The following MCC variants were observed in gnomAD, a reference collection of about 807,000 sequenced individuals.
The protein encoded by MCC is MCC regulator of Wnt signaling pathway, also known as colorectal mutant cancer protein.
In MCC, 90 loss-of-function variants were observed where a neutral mutation model predicts 116.2. That is an observed-to-expected ratio of 0.77 (90% CI 0.65 to 0.92). The LOEUF is 0.92. MCC is among the 40% of genes least tolerant of loss of function. The pLI is 0.00. For synonymous variants in MCC, 578 were observed against 510.5 expected (o/e 1.13, Z -1.78); for missense variants, 1,516 against 1,312.2 (o/e 1.16, Z -2.40).
chr5:113,183,517 A>G (rs1761731691), intron 3 of MCC, among the ~76,000 whole-genome samples: 1 of 125,548 alleles, frequency 8.0e-6, no homozygotes, highest in Non-Finnish European at 1.6e-5. Context: ...TCCCTCCCCC[A>G]AACATCCCCC....
chr5:113,450,496 C>T (rs79406636), intron 1 of MCC, among the ~76,000 whole-genome samples: 4 of 152,080 alleles, frequency 2.6e-5, no homozygotes, highest in African/African-American at 9.7e-5. Flanking sequence ...GAAATGTGTG[C>T]GAACCCCAGG....
intron 1 of MCC, among the ~76,000 whole-genome samples, chr5:113,412,764 T>A (rs1233978208): frequency 6.6e-6 from 1 of 152,218 alleles, no homozygotes; most frequent in East Asian, 1.9e-4. Flanking sequence ...ACCATTTATT[T>A]CTTTCTCTTG....
chr5:113,229,058 C>G (rs946723467), intron 3 of MCC, among the ~76,000 whole-genome samples: 1 of 152,064 alleles, frequency 6.6e-6, no homozygotes, highest in Non-Finnish European at 1.5e-5. Flanking sequence ...GGAATTATGG[C>G]CTGGGCTGGC....
At chr5:113,257,132 G>T (rs1765038189) in intron 3 of MCC, among the ~76,000 whole-genome samples, 1 of 152,124 alleles carries the variant, frequency 6.6e-6, no homozygotes, top group South Asian at 2.1e-4. Context: ...ATTGAAATTT[G>T]TAGGCAACTG....
chr5:113,101,661 G>A (rs1420900689), intron 8 of MCC, 78 bp downstream of exon 8: 3 of 1,417,982 alleles, frequency 2.1e-6, no homozygotes, highest in African/African-American at 2.8e-5. Context: ...TTCTCACGGT[G>A]CCCCTGGTGC....
rs755701531 is a variant in MCC at position 113,104,257 on chromosome 5, C to T, written c.1126G>A (p.Ala376Thr). 2.7e-5 allele frequency: 43 copies of T among 1,613,942 alleles called. No individual in the cohort carries two copies. The highest frequency in any genetic ancestry group is 1.7e-4 in the Middle Eastern group (1 of 6,014). ...RKKSSCSLSV[A>T]EVDKHIEQLT... ...TGCTCAATGTGCTTGTCCACCTCGG[C>T]CACGGAGAGGCTGCAGCTGCTCTTC... is the stretch of plus-strand genomic sequence containing the variant. Residue 376 changes from alanine (A) to threonine (T), a missense_variant, in exon 7 of 19, where the codon GCC (alanine) becomes ACC (threonine). Coordinates refer to ENST00000408903, the MANE Select transcript of MCC (RefSeq NM_001085377.2).
At chr5:113,069,090 T>C (rs1753838530) in intron 12 of MCC, among the ~76,000 whole-genome samples, 1 of 152,238 alleles carries the variant, frequency 6.6e-6, no homozygotes, top group Non-Finnish European at 1.5e-5. Context: ...AAAAAGTCCA[T>C]TCCTCCATTG....
intron 2 of MCC, among the ~76,000 whole-genome samples, chr5:113,366,450 C>G (rs905493191): frequency 6.6e-6 from 1 of 152,080 alleles, no homozygotes; most frequent in African/African-American, 2.4e-5. Context: ...GCTTTAATCA[C>G]CTCCAAGGCA....
chr5:113,087,575 G>A (rs1755288785), intron 8 of MCC, among the ~76,000 whole-genome samples: 1 of 152,116 alleles, frequency 6.6e-6, no homozygotes, highest in Admixed American at 6.5e-5. Flanking sequence ...CAGGGACTGG[G>A]GGAAACCTCC....
At chr5:113,037,385 G>T (rs148039413) in intron 17 of MCC, among the ~76,000 whole-genome samples, 1 of 152,300 alleles carries the variant, frequency 6.6e-6, no homozygotes, top group Non-Finnish European at 1.5e-5. Context: ...GGCTCTGTGG[G>T]CCACTGATGG....
At chr5:113,462,855 G>C (rs1182446450) in intron 1 of MCC, among the ~76,000 whole-genome samples, 1 of 152,220 alleles carries the variant, frequency 6.6e-6, no homozygotes, top group Non-Finnish European at 1.5e-5. Context: ...GGTGAATAAA[G>C]AGGGACACAG....
At chr5:113,179,005 A>AATGATCC in intron 3 of MCC, among the ~76,000 whole-genome samples, 1 of 152,276 alleles carries the variant, frequency 6.6e-6, no homozygotes, top group Admixed American at 6.5e-5. Flanking sequence ...GAAGAGCAAA[A>AATGATCC]ATGATCCAGA....
chr5:113,373,309 G>A (rs776915209), intron 2 of MCC, among the ~76,000 whole-genome samples: 19 of 152,014 alleles, frequency 1.2e-4, no homozygotes, highest in Non-Finnish European at 2.1e-4. Context: ...ACTCTGAAAA[G>A]ACACACATAT....
intron 1 of MCC, among the ~76,000 whole-genome samples, chr5:113,395,004 A>C (rs559543640): frequency 1.2e-4 from 18 of 152,336 alleles, no homozygotes; most frequent in Non-Finnish European, 2.2e-4. Context: ...AAAAATATAT[A>C]CTATATGACC....
At chr5:113,250,190 G>A (rs771598450) in intron 3 of MCC, among the ~76,000 whole-genome samples, 1 of 152,146 alleles carries the variant, frequency 6.6e-6, no homozygotes, top group Non-Finnish European at 1.5e-5. Flanking sequence ...GTCACACAGG[G>A]CACTCTGTCA....
chr5:113,195,696 G>T (rs1207996797), intron 3 of MCC, among the ~76,000 whole-genome samples: 1 of 152,174 alleles, frequency 6.6e-6, no homozygotes, highest in Non-Finnish European at 1.5e-5. Flanking sequence ...AGGTCAGTAA[G>T]CCATCTCTGG....
Position 113,434,316 on chromosome 5 carries a change from A to T in MCC, c.171-49104T>A. The T allele has an allele frequency of 6.2e-7, 1 of 1,613,982 alleles. No individual in the cohort carries two copies. Among genetic ancestry groups the T allele is most frequent in the Non-Finnish European group, 8.5e-7 (1 of 1,179,948 alleles). On this transcript the variant is annotated intron_variant, in intron 1 of 18. Coordinates refer to ENST00000408903, the MANE Select transcript of MCC (RefSeq NM_001085377.2). This position sits in a 1 kb window ranked among gnomAD's most constrained non-coding sequence, Gnocchi z 4.2. ...GGCCGCATACGCTGGTGACCCACAGAAGGTCTTGCTTAATGCCATTCGACC... is the reference window on the plus strand; with the variant it reads ...GGCCGCATACGCTGGTGACCCACAGTAGGTCTTGCTTAATGCCATTCGACC...
intron 1 of MCC, among the ~76,000 whole-genome samples, chr5:113,420,326 G>A (rs1770293867): frequency 6.6e-6 from 1 of 151,874 alleles, no homozygotes; most frequent in African/African-American, 2.4e-5. Flanking sequence ...ACAATTAAAA[G>A]GAAAAAAGAA....
At chr5:113,077,705 G>A (rs549394664) in intron 11 of MCC, among the ~76,000 whole-genome samples, 4 of 152,150 alleles carry the variant, frequency 2.6e-5, no homozygotes, top group African/African-American at 9.6e-5. Flanking sequence ...GAGAAAGCAG[G>A]AAAGATCTAA....
Sources: allele counts gnomAD v4.1 joint callset (sites outside exome capture counted in the v4.1 genomes callset), GRCh38; gene constraint gnomAD v4.1.1; non-coding constraint Gnocchi (gnomAD v3.1); transcripts MANE v1.5; gene names NCBI Gene and HGNC (gene_info 2026-07-23, HGNC 2026-07-21).